SLC2A13: variants seen among roughly 807,000 people sequenced by gnomAD.
SLC2A13 encodes proton myo-inositol cotransporter.
A neutral mutation model predicts 64.4 loss-of-function variants in SLC2A13; 32 were observed. The ratio of observed to expected loss-of-function variants is 0.50; its 90% CI spans 0.37 to 0.67. SLC2A13 has a LOEUF of 0.67. SLC2A13 is among the 30% of genes least tolerant of loss of function. The pLI, the probability that SLC2A13 is intolerant of heterozygous loss-of-function variation, is 0.00. For synonymous variants in SLC2A13, 338 were observed against 327.1 expected (o/e 1.03, Z -0.36); for missense variants, 743 against 829.2 (o/e 0.90, Z 1.28).
chr12:39,947,654 A>AT (rs759813091), intron 4 of SLC2A13, among the ~76,000 whole-genome samples: 10 of 145,226 alleles, frequency 6.9e-5, no homozygotes, highest in South Asian at 2.2e-4. Flanking sequence ...CACAGTGAGA[A>AT]TTTCTTTTTT....
At chr12:39,969,360 T>C (rs1289427706) in intron 3 of SLC2A13, among the ~76,000 whole-genome samples, 1 of 152,192 alleles carries the variant, frequency 6.6e-6, no homozygotes, top group Non-Finnish European at 1.5e-5. Flanking sequence ...TTCTAGATCC[T>C]TGAGGAATCG....
intron 3 of SLC2A13, among the ~76,000 whole-genome samples, chr12:40,018,268 G>A (rs1313376933): frequency 2.6e-5 from 4 of 152,172 alleles, no homozygotes; most frequent in African/African-American, 4.8e-5. Context: ...GCAGAGACAA[G>A]TAGTTACAGT....
intron 1 of SLC2A13, among the ~76,000 whole-genome samples, chr12:40,098,589 GGAGT>G (rs887420569): frequency 3.9e-5 from 6 of 152,322 alleles, no homozygotes; most frequent in East Asian, 3.9e-4. Flanking sequence ...GTTTCAGGGA[GGAGT>G]GAGTGAGTGA....
At position 40,105,828 on chromosome 12, in the gene SLC2A13, G is replaced by T. The variant is rs1278910030; in HGVS notation, c.-20C>A. On this transcript the variant is annotated 5_prime_UTR_variant, in exon 1 of 10. Transcript: ENST00000280871. The surrounding 1 kb of genome is among the most constrained non-coding windows in gnomAD (Gnocchi z 4.2). ...GGACATAGGGCAGGGGCCCGGGGCT[G>T]CCCGGGGGGACGCGGCTCCGCGGGC... is the stretch of plus-strand genomic sequence containing the variant. 3 of 1,404,112 alleles carry T rather than the reference G, an allele frequency of 2.1e-6. No individual in the cohort carries two copies. The highest frequency in any genetic ancestry group is 1.9e-6 in the Non-Finnish European group (2 of 1,078,976). 87.0% of individuals were successfully genotyped at this position (1,404,112 alleles called of 1,614,324 possible).
chr12:39,884,205 G>C (rs1592239616), intron 4 of SLC2A13, among the ~76,000 whole-genome samples: 1 of 152,064 alleles, frequency 6.6e-6, no homozygotes, highest in Admixed American at 6.6e-5. Context: ...CTGGCCTCAA[G>C]CCACCCTTCT....
chr12:39,855,546 G>T (rs987168626), intron 6 of SLC2A13, among the ~76,000 whole-genome samples: 1 of 152,134 alleles, frequency 6.6e-6, no homozygotes, highest in Admixed American at 6.6e-5. Flanking sequence ...CTCCCTCATA[G>T]CTGTGAGCTC....
At chr12:39,937,441 T>A (rs1265491610) in intron 4 of SLC2A13, among the ~76,000 whole-genome samples, 1 of 152,126 alleles carries the variant, frequency 6.6e-6, no homozygotes, top group African/African-American at 2.4e-5. Flanking sequence ...ACCTTCAAAC[T>A]CAGATATATT....
Position 40,062,291 on chromosome 12 carries a change from C to T in SLC2A13, c.557-14081G>A, listed in dbSNP as rs376000683. Among the ~76,000 whole-genome samples, 20 of 151,894 alleles carry T rather than the reference C, an allele frequency of 1.3e-4. No individual in the cohort carries two copies. The East Asian group carries it at 3.5e-3, about 26-fold the overall frequency. ...CAATCTTCAATTTAATCTGCCCTAG[C>T]TGATGGTAGAGGATAGTCCCCTGAG... On this transcript the variant is annotated intron_variant, in intron 1 of 9. Transcript: ENST00000280871.
chr12:39,901,026 AT>A (rs1313840437), intron 4 of SLC2A13, among the ~76,000 whole-genome samples: 2 of 152,208 alleles, frequency 1.3e-5, no homozygotes, highest in African/African-American at 4.8e-5. Context: ...GCCCTCAGAA[AT>A]AACACTGCAT....
intron 4 of SLC2A13, among the ~76,000 whole-genome samples, chr12:39,924,545 T>C (rs1005201053): frequency 6.6e-6 from 1 of 152,170 alleles, no homozygotes; most frequent in Non-Finnish European, 1.5e-5. Context: ...AGACTTCACC[T>C]TTTTCTGACA....
intron 1 of SLC2A13, among the ~76,000 whole-genome samples, chr12:40,066,821 C>A (rs1018755917): frequency 6.6e-5 from 10 of 152,098 alleles, no homozygotes; most frequent in Admixed American, 6.6e-5. Flanking sequence ...ATTAAGTCTT[C>A]ATGAAAAGAT....
At chr12:40,016,353 TA>T (rs560249690) in intron 3 of SLC2A13, among the ~76,000 whole-genome samples, 100 of 152,306 alleles carry the variant, frequency 6.6e-4, no homozygotes, top group Non-Finnish European at 9.6e-4. Context: ...TTTCAGAAAG[TA>T]AAATTAAAAT....
chr12:39,933,193 C>T (rs898504274), intron 4 of SLC2A13, among the ~76,000 whole-genome samples: 2 of 152,202 alleles, frequency 1.3e-5, no homozygotes, highest in Non-Finnish European at 2.9e-5. Flanking sequence ...GGCACCACTG[C>T]ACCCCAGCCT....
chr12:39,832,830 C>T (rs988336072), intron 6 of SLC2A13, among the ~76,000 whole-genome samples: 1 of 152,040 alleles, frequency 6.6e-6, no homozygotes, highest in Non-Finnish European at 1.5e-5. Context: ...AAATCCTAGC[C>T]CTATATGAAT....
intron 3 of SLC2A13, among the ~76,000 whole-genome samples, chr12:39,964,976 T>C (rs1412357268): frequency 6.6e-6 from 1 of 152,166 alleles, no homozygotes; most frequent in Non-Finnish European, 1.5e-5. Context: ...AAAAAAATTA[T>C]TAGATAAGCC....
chr12:39,869,651 G>T (rs568605051), intron 5 of SLC2A13, among the ~76,000 whole-genome samples: 1 of 152,234 alleles, frequency 6.6e-6, no homozygotes, highest in South Asian at 2.1e-4. Flanking sequence ...GTTTCCCGAG[G>T]AATTGTCTTA....
At chr12:39,770,034 C>T (rs1340505182) in intron 7 of SLC2A13, among the ~76,000 whole-genome samples, 1 of 152,048 alleles carries the variant, frequency 6.6e-6, no homozygotes, top group East Asian at 1.9e-4. Context: ...TCTCTTCCCT[C>T]TTTGCTTTTA....
intron 3 of SLC2A13, among the ~76,000 whole-genome samples, chr12:39,971,722 C>A (rs1946648489): frequency 6.6e-6 from 1 of 151,942 alleles, no homozygotes; most frequent in South Asian, 2.1e-4. Context: ...TGCCTATAAT[C>A]CCAGCACTTT....
At chr12:39,761,377 G>A (rs1055064317) in intron 9 of SLC2A13, among the ~76,000 whole-genome samples, 4 of 152,008 alleles carry the variant, frequency 2.6e-5, no homozygotes, top group Non-Finnish European at 5.9e-5. Context: ...CTTGATCTGT[G>A]TAATGGGGAA....
Sources: gnomAD v4.1 joint callset for allele counts (sites outside exome capture counted in the v4.1 genomes callset) on GRCh38, gnomAD v4.1.1 for gene constraint, Gnocchi (gnomAD v3.1) non-coding constraint, MANE v1.5 for transcripts, NCBI Gene and HGNC (gene_info 2026-07-23, HGNC 2026-07-21) for gene names.